Variants in DNAI4 observed in about 807,000 individuals in gnomAD.
DNAI4 encodes dynein axonemal intermediate chain 4.
A neutral mutation model predicts 105.8 loss-of-function variants in DNAI4; 85 were observed. The ratio of observed to expected loss-of-function variants is 0.80; its 90% CI spans 0.67 to 0.96. DNAI4 has a LOEUF of 0.96. DNAI4 is among the 40% of genes least tolerant of loss of function. The pLI is 0.00. For synonymous variants in DNAI4, 352 were observed against 331.5 expected (o/e 1.06, Z -0.67); for missense variants, 1,014 against 1,005.6 (o/e 1.01, Z -0.11).
intron 8 of DNAI4, among the ~76,000 whole-genome samples, chr1:66,843,229 GAGGA>G (rs1646193074): frequency 7.9e-4 from 1 of 1,272 alleles, no homozygotes; most frequent in Non-Finnish European, 1.7e-3. Context: ...GGGTGGGGGG[GAGGA>G]GGAGGAGGAG....
intron 11 of DNAI4, among the ~76,000 whole-genome samples, chr1:66,835,108 A>G (rs1333820255): frequency 1.3e-5 from 2 of 152,078 alleles, no homozygotes; most frequent in African/African-American, 4.8e-5. Flanking sequence ...CTCCTGTTAC[A>G]TGTCCCATGT....
chr1:66,841,822 T>C (rs893962186), intron 8 of DNAI4, among the ~76,000 whole-genome samples: 10 of 152,218 alleles, frequency 6.6e-5, no homozygotes, highest in Non-Finnish European at 1.5e-4. Context: ...TTTACTATCA[T>C]TATCATTCAA....
intron 2 of DNAI4, among the ~76,000 whole-genome samples, chr1:66,895,461 C>G (rs576082972): frequency 6.6e-6 from 1 of 152,238 alleles, no homozygotes; most frequent in South Asian, 2.1e-4. Context: ...CAGAGCAAGA[C>G]TCATCTCTAA....
intron 13 of DNAI4, among the ~76,000 whole-genome samples, chr1:66,832,536 G>A (rs1014278668): frequency 6.6e-6 from 1 of 152,100 alleles, no homozygotes; most frequent in South Asian, 2.1e-4. Context: ...GTTGGGGGTA[G>A]GGCAGTGGTG....
chr1:66,834,947 C>G (rs1645948888), intron 11 of DNAI4, among the ~76,000 whole-genome samples: 1 of 152,146 alleles, frequency 6.6e-6, no homozygotes, highest in South Asian at 2.1e-4. Context: ...CTAGTTCTAG[C>G]TAAGTTTATT....
At chr1:66,820,975 A>G (rs1040155421) in intron 16 of DNAI4, among the ~76,000 whole-genome samples, 1 of 151,518 alleles carries the variant, frequency 6.6e-6, no homozygotes, top group African/African-American at 2.4e-5. Context: ...TTTTCTTATC[A>G]TCTCATGAGT....
intron 7 of DNAI4, among the ~76,000 whole-genome samples, chr1:66,854,553 C>T (rs1049048850): frequency 2.6e-5 from 4 of 152,192 alleles, no homozygotes; most frequent in Admixed American, 1.3e-4. Flanking sequence ...CCTGTAATCC[C>T]AGCACTGGGA....
chr1:66,885,402 T>A, intron 4 of DNAI4, among the ~76,000 whole-genome samples: 1 of 152,222 alleles, frequency 6.6e-6, no homozygotes, highest in East Asian at 1.9e-4. Flanking sequence ...ATTTTCTTTA[T>A]CTGGGAAAAT....
At chr1:66,839,867 TA>T (rs1646110918) in intron 9 of DNAI4, among the ~76,000 whole-genome samples, 1 of 152,232 alleles carries the variant, frequency 6.6e-6, no homozygotes, top group Non-Finnish European at 1.5e-5. Flanking sequence ...GCAAATTATT[TA>T]TGCTTTTTGT....
At chr1:66,864,940 G>C (rs1266636450) in intron 6 of DNAI4, among the ~76,000 whole-genome samples, 1 of 152,200 alleles carries the variant, frequency 6.6e-6, no homozygotes, top group African/African-American at 2.4e-5. Flanking sequence ...CAGTGTACAG[G>C]GGGCTTCTAA....
At chr1:66,887,941 A>G (rs1569775783) in intron 4 of DNAI4, among the ~76,000 whole-genome samples, 2 of 152,282 alleles carry the variant, frequency 1.3e-5, no homozygotes, top group Admixed American at 1.3e-4. Flanking sequence ...CCTGGGTGAC[A>G]GAGCGAGACT....
At chr1:66,852,259 A>G (rs1646412398) in intron 7 of DNAI4, among the ~76,000 whole-genome samples, 1 of 151,888 alleles carries the variant, frequency 6.6e-6, no homozygotes, top group South Asian at 2.1e-4. Context: ...CCCACAAAAA[A>G]TCACCAAGCA....
At chr1:66,865,224 A>T (rs1333693520) in intron 6 of DNAI4, among the ~76,000 whole-genome samples, 13 of 152,184 alleles carry the variant, frequency 8.5e-5, no homozygotes, top group Non-Finnish European at 1.5e-4. Flanking sequence ...GGAGTTTGAG[A>T]CCAGCCTGGC....
At chr1:66,905,164 C>T (rs1207902764) in intron 2 of DNAI4, 37 bp downstream of exon 2, 3 of 1,415,800 alleles carry the variant, frequency 2.1e-6, no homozygotes, top group Admixed American at 2.2e-5. Flanking sequence ...TTTCACAGTG[C>T]CATTTTCAAA....
intron 2 of DNAI4, among the ~76,000 whole-genome samples, chr1:66,894,819 C>G (rs1001698776): frequency 6.6e-6 from 1 of 152,040 alleles, no homozygotes; most frequent in Non-Finnish European, 1.5e-5. Flanking sequence ...TTTTATTAAG[C>G]CTGGTATCTA....
At chr1:66,913,753 C>T (rs549424603) in intron 1 of DNAI4, among the ~76,000 whole-genome samples, 9 of 152,048 alleles carry the variant, frequency 5.9e-5, no homozygotes, top group African/African-American at 1.2e-4. Context: ...GAGGCCGAGG[C>T]GGGCGAATCA....
At chr1:66,908,706 A>G (rs1167592090) in intron 1 of DNAI4, among the ~76,000 whole-genome samples, 2 of 152,246 alleles carry the variant, frequency 1.3e-5, no homozygotes, top group Non-Finnish European at 2.9e-5. Context: ...AAAAATACCC[A>G]ACTATGATGA....
At chr1:66,826,436 C>T (rs768896005) in intron 15 of DNAI4, among the ~76,000 whole-genome samples, 1 of 152,112 alleles carries the variant, frequency 6.6e-6, no homozygotes, top group East Asian at 1.9e-4. Context: ...GTAGCTGGAA[C>T]TACAGGTGCA....
intron 3 of DNAI4, among the ~76,000 whole-genome samples, chr1:66,892,962 AAAGAAAGAAAG>A (rs2100770612): frequency 7.8e-6 from 1 of 128,016 alleles, no homozygotes; most frequent in African/African-American, 3.5e-5. Flanking sequence ...AGAAAGAAAG[AAAGAAAGAAAG>A]AAAGAAAGAA....
Sources: allele counts gnomAD v4.1 joint callset (sites outside exome capture counted in the v4.1 genomes callset), GRCh38; gene constraint gnomAD v4.1.1; transcripts MANE v1.5; gene names NCBI Gene and HGNC (gene_info 2026-07-23, HGNC 2026-07-21).